DPP10: variants seen among roughly 807,000 people sequenced by gnomAD.
The protein encoded by DPP10 is dipeptidyl peptidase like 10.
DPP10 carries 33 observed loss-of-function variants against 120.9 expected under a neutral mutation model. The ratio of observed to expected loss-of-function variants is 0.27; its 90% CI spans 0.21 to 0.37. DPP10 has a LOEUF of 0.37. DPP10 is among the 10% of genes least tolerant of loss of function. The pLI is 1.00. For synonymous variants in DPP10, 337 were observed against 326.1 expected, an observed-to-expected ratio of 1.03 and a Z score of -0.36; for missense variants, 816 against 942.8, an observed-to-expected ratio of 0.87 and a Z score of 1.76.
At chr2:115,539,282 A>C (rs2079045518) in intron 5 of DPP10, among the ~76,000 whole-genome samples, 1 of 152,050 alleles carries the variant, frequency 6.6e-6, no homozygotes, top group Admixed American at 6.6e-5. Flanking sequence ...GAGGGCTATC[A>C]CAGAGAAAAG....
At chr2:115,347,327 A>G (rs1211962156) in intron 3 of DPP10, among the ~76,000 whole-genome samples, 1 of 152,154 alleles carries the variant, frequency 6.6e-6, no homozygotes, top group Admixed American at 6.6e-5. Context: ...CCTGCCAGAT[A>G]TAAGGCAGAA....
chr2:115,805,134 G>T (rs1373606962), intron 19 of DPP10, among the ~76,000 whole-genome samples: 2 of 152,138 alleles, frequency 1.3e-5, no homozygotes. Context: ...GCAATGGCAG[G>T]CGCCCCTCCC....
intron 1 of DPP10, among the ~76,000 whole-genome samples, chr2:115,252,973 T>TAA (rs2058818565): frequency 6.6e-6 from 1 of 152,234 alleles, no homozygotes; most frequent in African/African-American, 2.4e-5. Context: ...TATTAGGCTA[T>TAA]TCTTGTGTTG....
chr2:115,711,621 T>C (rs554376189), intron 7 of DPP10, among the ~76,000 whole-genome samples: 1 of 152,142 alleles, frequency 6.6e-6, no homozygotes, highest in South Asian at 2.1e-4. Flanking sequence ...GTAAATAATA[T>C]GAATAAGAGT....
intron 1 of DPP10, among the ~76,000 whole-genome samples, chr2:114,639,967 T>G (rs1695588678): frequency 6.6e-6 from 1 of 151,966 alleles, no homozygotes; most frequent in Admixed American, 6.5e-5. Flanking sequence ...CTTTGATTTT[T>G]TTTGTTCTTC....
rs139004509 is a variant in DPP10 at position 115,673,690 on chromosome 2, T to C, written c.442-15997T>C. Among the ~76,000 whole-genome samples, 24 of 152,338 alleles carry C rather than the reference T, an allele frequency of 1.6e-4. 1 individual carries two copies. The highest frequency in any genetic ancestry group is 5.3e-4 in the African/African-American group (22 of 41,574). On this transcript the variant is annotated intron_variant, in intron 5 of 25. Transcript: ENST00000410059. ...CTCTAAAGTTTCTTTTTGTATGGACTAGGTGTGATATTTCAAACCTGTGCT... is the reference window on the plus strand; with the variant it reads ...CTCTAAAGTTTCTTTTTGTATGGACCAGGTGTGATATTTCAAACCTGTGCT...
In DPP10 at chr2:115,753,191, T is replaced by C. The variant is rs2149751249; in HGVS notation, c.968T>C (p.Met323Thr). Residue 323 changes from methionine to threonine, a missense_variant, in exon 11 of 26, where the codon ATG (methionine) becomes ACG (threonine). Coordinates refer to ENST00000410059, the MANE Select transcript of DPP10 (RefSeq NM_020868.6). The part of the protein sequence containing the change: ...SFKSREYYIT[M>T]VKWVSNTKTV... ...CAAACTAGAGAATACTATATCACTA[T>C]GGTTAAATGGGTAAGCAATACCAAG... 1 of 1,611,028 alleles carries C rather than the reference T, an allele frequency of 6.2e-7. No homozygotes were observed. Among genetic ancestry groups the C allele is most frequent in the East Asian group, 2.2e-5 (1 of 44,640 alleles).
chr2:114,834,015 A>G (rs1438076077), intron 1 of DPP10: 7 of 151,962 alleles, frequency 4.6e-5, no homozygotes, highest in Non-Finnish European at 8.8e-5. Context: ...GTACATGTAT[A>G]CGTATATAAA....
intron 17 of DPP10, among the ~76,000 whole-genome samples, chr2:115,783,788 A>C (rs1683037579): frequency 6.6e-6 from 1 of 152,212 alleles, no homozygotes; most frequent in South Asian, 2.1e-4. Context: ...AGATAGAACT[A>C]TCAGTGTATA....
At chr2:114,787,415 G>A (rs1406443587) in intron 1 of DPP10, among the ~76,000 whole-genome samples, 1 of 152,048 alleles carries the variant, frequency 6.6e-6, no homozygotes, top group Non-Finnish European at 1.5e-5. Flanking sequence ...ACTTCCAAAT[G>A]CATTGGAAAG....
intron 1 of DPP10, among the ~76,000 whole-genome samples, chr2:114,629,892 A>T (rs1335601033): frequency 6.6e-6 from 1 of 152,220 alleles, no homozygotes; most frequent in Non-Finnish European, 1.5e-5. Flanking sequence ...AGTTTTGAAT[A>T]TCCTTTCAAA....
chr2:114,467,705 A>C (rs556100721), intron 1 of DPP10, among the ~76,000 whole-genome samples: 1 of 152,316 alleles, frequency 6.6e-6, no homozygotes, highest in East Asian at 1.9e-4. Flanking sequence ...TTGAATTAAT[A>C]ATACTAGCTC....
chr2:114,707,430 G>A (rs986629281), intron 1 of DPP10, among the ~76,000 whole-genome samples: 1 of 152,156 alleles, frequency 6.6e-6, no homozygotes, highest in Admixed American at 6.5e-5. Context: ...GTTGTTAGTT[G>A]TTACCATCAC....
intron 3 of DPP10, among the ~76,000 whole-genome samples, chr2:115,419,823 C>G (rs1013591615): frequency 5.3e-5 from 8 of 151,986 alleles, no homozygotes; most frequent in African/African-American, 1.9e-4. Context: ...ATATCTAAAA[C>G]CATTAAAATG....
chr2:114,638,026 T>A (rs1322638237), intron 1 of DPP10, among the ~76,000 whole-genome samples: 2 of 151,904 alleles, frequency 1.3e-5, no homozygotes, highest in Non-Finnish European at 2.9e-5. Flanking sequence ...AGAAAAATCA[T>A]ATTGGTAGTT....
At chr2:114,839,903 G>T (rs1688023066) in intron 1 of DPP10, among the ~76,000 whole-genome samples, 1 of 152,248 alleles carries the variant, frequency 6.6e-6, no homozygotes, top group South Asian at 2.1e-4. Context: ...GGGTAGCATT[G>T]CACACTCAGG....
chr2:114,631,357 C>T (rs754044454), intron 1 of DPP10, among the ~76,000 whole-genome samples: 12 of 152,042 alleles, frequency 7.9e-5, no homozygotes, highest in Non-Finnish European at 8.8e-5. Context: ...CTGCAGGCCA[C>T]GTTCCCCTGC....
At chr2:115,472,011 C>A (rs2074758860) in intron 3 of DPP10, among the ~76,000 whole-genome samples, 1 of 151,968 alleles carries the variant, frequency 6.6e-6, no homozygotes, top group South Asian at 2.1e-4. Flanking sequence ...GAACAGCTTT[C>A]TAACATTTTT....
chr2:114,867,071 C>T (rs1690300985), intron 1 of DPP10, among the ~76,000 whole-genome samples: 1 of 152,152 alleles, frequency 6.6e-6, no homozygotes, highest in African/African-American at 2.4e-5. Flanking sequence ...ACATGAAATA[C>T]AGGACTCATT....
Sources: gnomAD v4.1 joint callset for allele counts (sites outside exome capture counted in the v4.1 genomes callset) on GRCh38, gnomAD v4.1.1 for gene constraint, MANE v1.5 for transcripts, NCBI Gene and HGNC (gene_info 2026-07-23, HGNC 2026-07-21) for gene names.